MAGI2: variants seen among roughly 807,000 people sequenced by gnomAD.
The protein encoded by MAGI2 is membrane-associated guanylate kinase, WW and PDZ domain-containing protein 2.
A neutral mutation model predicts 133.3 loss-of-function variants in MAGI2; 35 were observed. The observed-to-expected ratio is 0.26, with a 90% CI of 0.20 to 0.35. The LOEUF is 0.35. Ranked by LOEUF, MAGI2 falls within the 10% of genes least tolerant of loss-of-function variation. The pLI is 1.00. For synonymous variants in MAGI2, 729 were observed against 710.6 expected, an observed-to-expected ratio of 1.03 and a Z score of -0.41; for missense variants, 1,636 against 1,863.4, an observed-to-expected ratio of 0.88 and a Z score of 2.25.
At chr7:78,569,125 A>AACACACAC (rs56351234) in intron 3 of MAGI2, among the ~76,000 whole-genome samples, 12 of 147,980 alleles carry the variant, frequency 8.1e-5, no homozygotes, top group African/African-American at 2.7e-4. Flanking sequence ...TGTGCATGCC[A>AACACACAC]ACACACACAC....
chr7:78,636,782 A>G (rs1007481373), intron 2 of MAGI2, among the ~76,000 whole-genome samples: 1 of 152,110 alleles, frequency 6.6e-6, no homozygotes, highest in Non-Finnish European at 1.5e-5. Flanking sequence ...TGGGTGACAG[A>G]GCAAGACTCC....
chr7:78,515,860 T>C lies in MAGI2; in HGVS notation c.754+5570A>G, dbSNP rs143597873. ...GTTTTGGTGAACCGAGATCACACCA[T>C]TGGACTCCAGCCTGGGCAACAAGAG... On this transcript the variant is annotated intron_variant, in intron 4 of 21. Transcript: ENST00000354212. Among the ~76,000 whole-genome samples the C allele has an allele frequency of 2.6e-3, 391 of 152,170 alleles. 9 individuals are homozygous for C. In the East Asian group the frequency reaches 0.045, roughly 18 times the overall value.
intron 1 of MAGI2, among the ~76,000 whole-genome samples, chr7:79,084,986 C>G (rs905344245): frequency 4.0e-5 from 6 of 151,848 alleles, no homozygotes; most frequent in African/African-American, 1.4e-4. Flanking sequence ...TTTCTTCACT[C>G]TTGCTGCTTT....
intron 9 of MAGI2, among the ~76,000 whole-genome samples, chr7:78,322,865 T>G (rs1372411402): frequency 1.9e-4 from 29 of 152,186 alleles, no homozygotes; most frequent in Admixed American, 1.9e-3. Context: ...CTTTGGAGTT[T>G]CGACCCTAAG....
intron 1 of MAGI2, among the ~76,000 whole-genome samples, chr7:79,240,927 T>G (rs1214458633): frequency 6.6e-6 from 1 of 152,166 alleles, no homozygotes; most frequent in African/African-American, 2.4e-5. Context: ...TTATCCCATT[T>G]GTTTATTTTT....
rs1385973670 is a variant in MAGI2, at chr7:79,028,267, ATGTATG to A, written c.302-21067_302-21062del. Among the ~76,000 whole-genome samples, 13 of 30,602 alleles carry A rather than the reference ATGTATG, an allele frequency of 4.2e-4. 1 individual carries two copies. The highest frequency in any genetic ancestry group is 9.8e-4 in the African/African-American group (8 of 8,164). The allele number at this position is 30,602 out of a possible 152,430, so 20.1% of individuals were successfully genotyped here. A position where few individuals can be genotyped will look rare whatever the true frequency, so the allele number is the denominator to read the frequency against. On this transcript the variant is annotated intron_variant, in intron 1 of 21. Coordinates refer to ENST00000354212, the MANE Select transcript of MAGI2 (RefSeq NM_012301.4). ...TATATATATATATATATATATATAT[ATGTATG>A]TATGTATATATATATATATGTGTGT...
At chr7:78,660,662 T>C (rs1812850804) in intron 2 of MAGI2, among the ~76,000 whole-genome samples, 1 of 152,166 alleles carries the variant, frequency 6.6e-6, no homozygotes, top group African/African-American at 2.4e-5. Context: ...TTAAGTAAAA[T>C]GGGTATATTC....
chr7:78,461,353 A>G (rs563052841), intron 6 of MAGI2, among the ~76,000 whole-genome samples: 1 of 151,436 alleles, frequency 6.6e-6, no homozygotes, highest in African/African-American at 2.4e-5. Flanking sequence ...AAACATTAAA[A>G]ATACAAAAAA....
In MAGI2 at chr7:78,019,585, C is replaced by T; in HGVS notation, c.4098G>A (p.Lys1366=). ...AGCCCGCCGCCGCACGGGGCGCCTC[C>T]TTCCCGCCCGCCCGCGCCGCGTCCG... ...DAADAARAGG[K]EAPRAAAGSE... The change falls in exon 22 of 22, where the codon AAG becomes AAA. Residue 1366 remains lysine, a synonymous_variant. Coordinates refer to ENST00000354212, the MANE Select transcript of MAGI2 (RefSeq NM_012301.4). 3 of 980,812 alleles carry T rather than the reference C, an allele frequency of 3.1e-6. No individual in the cohort carries two copies. The highest frequency in any genetic ancestry group is 2.4e-6 in the Non-Finnish European group (2 of 828,414). The allele number at this position is 980,812 out of a possible 1,614,324, so 60.8% of individuals were successfully genotyped here.
intron 1 of MAGI2, among the ~76,000 whole-genome samples, chr7:79,326,330 C>T (rs746119363): frequency 2.9e-4 from 44 of 152,010 alleles, no homozygotes; most frequent in Non-Finnish European, 4.7e-4. Flanking sequence ...AATTATAAAC[C>T]TGGCTTAAGA....
intron 2 of MAGI2, among the ~76,000 whole-genome samples, chr7:78,830,947 G>A (rs1791092193): frequency 6.6e-6 from 1 of 152,130 alleles, no homozygotes; most frequent in Non-Finnish European, 1.5e-5. Flanking sequence ...ATTGATTTTG[G>A]GGAAGAGTAT....
At chr7:78,349,467 A>G (rs1225889598) in intron 7 of MAGI2, among the ~76,000 whole-genome samples, 2 of 152,228 alleles carry the variant, frequency 1.3e-5, no homozygotes, top group African/African-American at 4.8e-5. Context: ...GGATGCAGTT[A>G]TGCATACAAC....
chr7:78,574,199 C>T (rs1446147950), intron 3 of MAGI2, among the ~76,000 whole-genome samples: 20 of 152,120 alleles, frequency 1.3e-4, no homozygotes. Context: ...CCTCCAGTTT[C>T]CGTGACTTTC....
intron 1 of MAGI2, among the ~76,000 whole-genome samples, chr7:79,409,045 C>T (rs142343834): frequency 1.8e-3 from 274 of 152,164 alleles, no homozygotes; most frequent in African/African-American, 6.2e-3. Flanking sequence ...TAACCCTCTA[C>T]AGAAATATAG....
At position 78,972,826 on chromosome 7, in the gene MAGI2, C is replaced by CT. The variant is rs567465127; in HGVS notation, c.418+34263dup. Among the ~76,000 whole-genome samples, 4 of 151,718 alleles carry CT rather than the reference C, an allele frequency of 2.6e-5. No homozygotes were observed. The South Asian group carries it at 8.3e-4, about 32-fold the overall frequency. Reference sequence around the variant, plus strand: ...TAAAAAATTATATTCATAAAAATATCTTTTTAATGTTTGCCAGAGTAGGGG... The same window carrying CT: ...TAAAAAATTATATTCATAAAAATATCTTTTTTAATGTTTGCCAGAGTAGGGG... On this transcript the variant is annotated intron_variant, in intron 2 of 21. Coordinates refer to ENST00000354212, the MANE Select transcript of MAGI2 (RefSeq NM_012301.4).
rs144172714 is a variant in MAGI2, at chr7:78,114,133, C to T, written c.3567+11561G>A. ...GTCAGGCTCCTGCTCTTTTTACTAG[C>T]TCGTTATTTCCTTACAAGGGAGGAA... On this transcript the variant is annotated intron_variant, in intron 20 of 21. Transcript: ENST00000354212. 3.2e-4 allele frequency among the ~76,000 whole-genome samples: 49 copies of T among 152,290 alleles called. 1 individual carries two copies. In the East Asian group the frequency reaches 8.1e-3, roughly 25 times the overall value.
rs114738259 is a variant in MAGI2, at chr7:78,796,260, T to C, written c.419-169021A>G. ...TCTAACAAGGGATTAGTAACATGAATATATAAGGAACTCAAACAACTCAGT... is the reference window on the plus strand; with the variant it reads ...TCTAACAAGGGATTAGTAACATGAACATATAAGGAACTCAAACAACTCAGT... On this transcript the variant is annotated intron_variant, in intron 2 of 21. Coordinates refer to ENST00000354212, the MANE Select transcript of MAGI2 (RefSeq NM_012301.4). Among the ~76,000 whole-genome samples, 1,274 of 152,176 alleles carry C rather than the reference T, an allele frequency of 8.4e-3. 15 individuals are homozygous for C. The highest frequency in any genetic ancestry group is 0.03 in the African/African-American group (1,228 of 41,532).
At chr7:78,300,472 T>G (rs1256318255) in intron 9 of MAGI2, among the ~76,000 whole-genome samples, 2 of 152,206 alleles carry the variant, frequency 1.3e-5, no homozygotes, top group Non-Finnish European at 2.9e-5. Flanking sequence ...AATTTCATAT[T>G]GCACTTATCC....
chr7:79,346,700 C>A (rs527634934), intron 1 of MAGI2, among the ~76,000 whole-genome samples: 15 of 152,058 alleles, frequency 9.9e-5, no homozygotes, highest in African/African-American at 3.6e-4. Flanking sequence ...TGGGTTATTG[C>A]TCTTCCTCCA....
Sources: allele counts gnomAD v4.1 joint callset (sites outside exome capture counted in the v4.1 genomes callset), GRCh38; gene constraint gnomAD v4.1.1; transcripts MANE v1.5; gene names NCBI Gene and HGNC (gene_info 2026-07-23, HGNC 2026-07-21).